Variants in RGS7 observed in about 807,000 individuals in gnomAD.
RGS7 encodes the protein regulator of G-protein signaling 7.
A neutral mutation model predicts 81.1 loss-of-function variants in RGS7; 27 were observed. The ratio of observed to expected loss-of-function variants is 0.33; its 90% CI spans 0.25 to 0.46. The LOEUF (loss-of-function observed/expected upper bound fraction) is 0.46. Among genes scored for constraint, RGS7 ranks in the 20% least tolerant of loss-of-function variants. The pLI is 1.00. For synonymous variants in RGS7, 208 were observed against 207.7 expected (o/e 1.00, Z -0.01); for missense variants, 396 against 607.4 (o/e 0.65, Z 3.66).
At chr1:240,790,181 G>A (rs1051734027) in intron 18 of RGS7, among the ~76,000 whole-genome samples, 7 of 151,796 alleles carry the variant, frequency 4.6e-5, no homozygotes, top group South Asian at 4.1e-4. Flanking sequence ...GCAGGGAGCC[G>A]AAATCACGCC....
At chr1:240,943,523 C>T (rs1005530227) in intron 4 of RGS7, among the ~76,000 whole-genome samples, 35 of 152,072 alleles carry the variant, frequency 2.3e-4, no homozygotes, top group African/African-American at 7.5e-4. Flanking sequence ...GTTTAAGGGG[C>T]GATGGGAAAC....
intron 3 of RGS7, among the ~76,000 whole-genome samples, chr1:241,030,936 A>G (rs905591883): frequency 1.3e-5 from 2 of 151,952 alleles, no homozygotes; most frequent in African/African-American, 4.8e-5. Flanking sequence ...GCCCCAAAAC[A>G]CCCCCCAACA....
At chr1:240,887,100 G>T (rs1421068437) in intron 6 of RGS7, among the ~76,000 whole-genome samples, 1 of 152,070 alleles carries the variant, frequency 6.6e-6, no homozygotes, top group African/African-American at 2.4e-5. Flanking sequence ...CAGACGGAAA[G>T]TAATGTATGG....
chr1:241,175,583 A>G (rs2071073169), intron 2 of RGS7, among the ~76,000 whole-genome samples: 1 of 152,218 alleles, frequency 6.6e-6, no homozygotes, highest in Non-Finnish European at 1.5e-5. Flanking sequence ...CAATGCCAGA[A>G]TGCTAGCCAG....
At chr1:241,046,029 C>T (rs1201528600) in intron 3 of RGS7, among the ~76,000 whole-genome samples, 1 of 152,092 alleles carries the variant, frequency 6.6e-6, no homozygotes, top group African/African-American at 2.4e-5. Flanking sequence ...TGGAGTAGGG[C>T]TGTTATGCTT....
chr1:241,045,137 A>G (rs2148784153), intron 3 of RGS7, among the ~76,000 whole-genome samples: 1 of 152,302 alleles, frequency 6.6e-6, no homozygotes, highest in Non-Finnish European at 1.5e-5. Context: ...TTCATTCAGA[A>G]CAGTAGATGA....
At chr1:241,229,063 A>G (rs2075492790) in intron 2 of RGS7, among the ~76,000 whole-genome samples, 1 of 149,284 alleles carries the variant, frequency 6.7e-6, no homozygotes. Context: ...AAAAAATTAA[A>G]AAAAAAAAAA....
intron 4 of RGS7, among the ~76,000 whole-genome samples, chr1:240,951,294 CAAT>C (rs1369012377): frequency 6.6e-6 from 1 of 152,038 alleles, no homozygotes; most frequent in Non-Finnish European, 1.5e-5. Flanking sequence ...GGCAAAACAA[CAAT>C]GAGAACCAAA....
chr1:241,134,051 A>G (rs2067310027), intron 2 of RGS7, among the ~76,000 whole-genome samples: 1 of 152,218 alleles, frequency 6.6e-6, no homozygotes, highest in South Asian at 2.1e-4. Flanking sequence ...TCCTGGATCT[A>G]ATAAAGCATC....
chr1:240,985,484 A>G (rs1225912407), intron 3 of RGS7, among the ~76,000 whole-genome samples: 2 of 152,096 alleles, frequency 1.3e-5, no homozygotes, highest in Admixed American at 1.3e-4. Flanking sequence ...AGCCTAATTT[A>G]AAAGTATGTT....
At chr1:240,849,469 G>A (rs759700300) in intron 9 of RGS7, among the ~76,000 whole-genome samples, 4 of 152,258 alleles carry the variant, frequency 2.6e-5, no homozygotes, top group Non-Finnish European at 4.4e-5. Flanking sequence ...TTTATGAAAT[G>A]AGGACAAAAT....
chr1:240,987,373 T>C (rs1421067781), intron 3 of RGS7, among the ~76,000 whole-genome samples: 3 of 152,208 alleles, frequency 2.0e-5, no homozygotes, highest in Admixed American at 6.5e-5. Context: ...GCAATGTTTC[T>C]CTTTCAGGGA....
intron 2 of RGS7, among the ~76,000 whole-genome samples, chr1:241,150,231 G>C (rs1168318030): frequency 6.6e-6 from 1 of 152,152 alleles, no homozygotes; most frequent in East Asian, 1.9e-4. Context: ...AAACTATAGT[G>C]ATCAATAAAA....
Position 241,333,781 on chromosome 1 carries a change from T to C in RGS7, c.78+21918A>G, listed in dbSNP as rs528364307. Among the ~76,000 whole-genome samples, 13 of 152,238 alleles carry C rather than the reference T, an allele frequency of 8.5e-5. No homozygotes were observed. In the East Asian group the frequency reaches 2.1e-3, roughly 25 times the overall value. On this transcript the variant is annotated intron_variant, in intron 2 of 18. Transcript: ENST00000440928. ...ATAATATACTCTATTAGCAAGATTA[T>C]TAAAAAGCAATTTTTAGCTTTAGAT... is the stretch of plus-strand genomic sequence containing the variant.
chr1:241,232,674 G>GAA (rs74259978), intron 2 of RGS7, among the ~76,000 whole-genome samples: 157 of 135,824 alleles, frequency 1.2e-3, no homozygotes, highest in South Asian at 9.8e-3. Context: ...TCAATTTCTG[G>GAA]AAAAAAAAAA....
At chr1:241,206,535 G>C (rs1270123069) in intron 2 of RGS7, among the ~76,000 whole-genome samples, 9 of 152,080 alleles carry the variant, frequency 5.9e-5, no homozygotes, top group African/African-American at 2.2e-4. Context: ...TCTTTTAAAA[G>C]TTTCTCATTG....
At chr1:240,912,643 T>G (rs1364543937) in intron 6 of RGS7, among the ~76,000 whole-genome samples, 1 of 152,136 alleles carries the variant, frequency 6.6e-6, no homozygotes, top group Non-Finnish European at 1.5e-5. Context: ...TTTGCTGAGT[T>G]CAAATTGTAA....
chr1:240,815,326 A>G (rs1690624864), intron 11 of RGS7, among the ~76,000 whole-genome samples: 1 of 152,170 alleles, frequency 6.6e-6, no homozygotes, highest in South Asian at 2.1e-4. Context: ...TGGGTGACAG[A>G]ACAAGATTCT....
chr1:240,797,373 CAG>C (rs924331317), intron 18 of RGS7, among the ~76,000 whole-genome samples: 5 of 152,204 alleles, frequency 3.3e-5, no homozygotes, highest in African/African-American at 1.2e-4. Context: ...TTTTTTCAGA[CAG>C]AGTTTCTCTT....
Sources: gnomAD v4.1 joint callset for allele counts (sites outside exome capture counted in the v4.1 genomes callset) on GRCh38, gnomAD v4.1.1 for gene constraint, MANE v1.5 for transcripts, NCBI Gene and HGNC (gene_info 2026-07-23, HGNC 2026-07-21) for gene names.